Variants in MTHFD1L observed in about 807,000 individuals in gnomAD.
The protein encoded by MTHFD1L is methylenetetrahydrofolate dehydrogenase (NADP+ dependent) 1 like.
In MTHFD1L, 81 loss-of-function variants were observed where a neutral mutation model predicts 119.5. The observed-to-expected ratio is 0.68, with a 90% CI of 0.57 to 0.82. MTHFD1L has a LOEUF of 0.82. Among genes scored for constraint, MTHFD1L ranks in the 40% least tolerant of loss-of-function variants. The pLI is 0.00. For synonymous variants in MTHFD1L, 430 were observed against 475.2 expected (o/e 0.90, Z 1.24); for missense variants, 1,125 against 1,253.4 (o/e 0.90, Z 1.55).
intron 13 of MTHFD1L, among the ~76,000 whole-genome samples, chr6:150,941,083 A>C (rs1793020291): frequency 6.6e-6 from 1 of 152,216 alleles, no homozygotes; most frequent in African/African-American, 2.4e-5. Flanking sequence ...ATAGGGGAAA[A>C]TGTTAGAATA....
intron 13 of MTHFD1L, among the ~76,000 whole-genome samples, chr6:150,943,913 A>G (rs569356735): frequency 6.6e-6 from 1 of 152,294 alleles, no homozygotes; most frequent in South Asian, 2.1e-4. Context: ...CCTCACTCCA[A>G]AGTATATTTG....
Position 150,882,904 on chromosome 6 carries a change from A to G in MTHFD1L, c.542+18A>G. 1 of 1,559,852 alleles carries G rather than the reference A, an allele frequency of 6.4e-7. No individual in the cohort carries two copies. The highest frequency in any genetic ancestry group is 1.2e-5 in the South Asian group (1 of 80,268). On this transcript the variant is annotated intron_variant, in intron 5 of 27. Coordinates refer to ENST00000367321, the MANE Select transcript of MTHFD1L (RefSeq NM_015440.5). ...GTGGATGGGTAAGAAAATAAAATCA[A>G]ATAATCAACCTTTATGGCTAAATCA...
intron 8 of MTHFD1L, among the ~76,000 whole-genome samples, chr6:150,916,143 G>A (rs983281485): frequency 1.3e-5 from 2 of 152,128 alleles, no homozygotes; most frequent in African/African-American, 4.8e-5. Flanking sequence ...TTTAAGAATA[G>A]AGTGATCCAA....
chr6:151,067,708 A>C (rs1258228136), intron 26 of MTHFD1L, among the ~76,000 whole-genome samples: 1 of 152,242 alleles, frequency 6.6e-6, no homozygotes, highest in Non-Finnish European at 1.5e-5. Flanking sequence ...ATAAATGTAG[A>C]TGGGTAACCA....
chr6:150,937,585 C>A (rs764628315), intron 12 of MTHFD1L, among the ~76,000 whole-genome samples: 3 of 152,146 alleles, frequency 2.0e-5, no homozygotes, highest in Non-Finnish European at 4.4e-5. Flanking sequence ...ATATTAATAA[C>A]GTATCTCATA....
intron 26 of MTHFD1L, among the ~76,000 whole-genome samples, chr6:151,084,984 A>ATAT (rs1447677218): frequency 9.7e-6 from 1 of 102,902 alleles, no homozygotes; most frequent in African/African-American, 4.5e-5. Context: ...AAAAAAAAAA[A>ATAT]ATATATATAT....
At chr6:150,890,206 A>G (rs9371202) in intron 7 of MTHFD1L, among the ~76,000 whole-genome samples, 19,887 of 152,118 alleles carry the variant, frequency 0.13, 1,588 homozygotes, top group East Asian at 0.23. Context: ...GTATATATAT[A>G]TATAATAGAC....
At chr6:150,919,734 G>A (rs1026311361) in intron 9 of MTHFD1L, among the ~76,000 whole-genome samples, 26 of 152,150 alleles carry the variant, frequency 1.7e-4, no homozygotes, top group Non-Finnish European at 3.1e-4. Flanking sequence ...GGACGCTACC[G>A]AGGGAGATGA....
chr6:150,988,567 G>A (rs1285129282), intron 20 of MTHFD1L, among the ~76,000 whole-genome samples: 1 of 150,914 alleles, frequency 6.6e-6, no homozygotes, highest in Admixed American at 6.6e-5. Flanking sequence ...CATCTTTTGT[G>A]GGGTGTAGAA....
chr6:151,026,030 TGTC>T (rs1784570278), intron 24 of MTHFD1L, among the ~76,000 whole-genome samples: 2 of 152,240 alleles, frequency 1.3e-5, no homozygotes, highest in African/African-American at 4.8e-5. Context: ...GTCCATTTTT[TGTC>T]ATCAAAAAAT....
chr6:150,955,539 G>A (rs113738829), intron 16 of MTHFD1L, among the ~76,000 whole-genome samples: 19,880 of 138,530 alleles, frequency 0.14, 1,779 homozygotes, highest in Middle Eastern at 0.3. Flanking sequence ...TCACTCTGTC[G>A]CCCAGGCTGG....
At chr6:150,946,251 G>A (rs1793923372) in intron 15 of MTHFD1L, among the ~76,000 whole-genome samples, 1 of 152,182 alleles carries the variant, frequency 6.6e-6, no homozygotes, top group African/African-American at 2.4e-5. Flanking sequence ...CCTGGTTCAA[G>A]TGATTCTCCT....
intron 9 of MTHFD1L, among the ~76,000 whole-genome samples, chr6:150,919,669 G>A (rs1261958819): frequency 6.6e-6 from 1 of 152,108 alleles, no homozygotes; most frequent in African/African-American, 2.4e-5. Context: ...AGTGAGGGAT[G>A]GTGCTATATA....
intron 24 of MTHFD1L, among the ~76,000 whole-genome samples, chr6:151,032,695 C>G (rs1584235677): frequency 6.6e-6 from 1 of 152,320 alleles, no homozygotes; most frequent in Non-Finnish European, 1.5e-5. Context: ...AGTGTTAAGT[C>G]TCCTCATCCA....
chr6:151,042,031 G>A (rs1490644396), intron 26 of MTHFD1L: 6 of 357,592 alleles, frequency 1.7e-5, no homozygotes, highest in Non-Finnish European at 3.4e-5. Context: ...AATTGGCATT[G>A]GTGACCACAA....
intron 26 of MTHFD1L, among the ~76,000 whole-genome samples, chr6:151,086,013 C>T (rs1453498194): frequency 6.6e-6 from 1 of 152,118 alleles, no homozygotes; most frequent in African/African-American, 2.4e-5. Flanking sequence ...TGAACTTCAC[C>T]GTTTCGGTCC....
intron 27 of MTHFD1L, among the ~76,000 whole-genome samples, chr6:151,095,439 T>C (rs912992770): frequency 8.5e-5 from 13 of 152,394 alleles, no homozygotes; most frequent in African/African-American, 2.9e-4. Flanking sequence ...TCTTGGACAG[T>C]ATTTTTCCAG....
At chr6:150,905,541 G>A (rs1785764012) in intron 7 of MTHFD1L, 109 bp from the exon 8 acceptor site, 2 of 776,916 alleles carry the variant, frequency 2.6e-6, no homozygotes, top group African/African-American at 1.7e-5. Context: ...CAGCAGCTTG[G>A]AACAAAGCTG....
At chr6:151,048,234 A>G (rs1226984681) in intron 26 of MTHFD1L, among the ~76,000 whole-genome samples, 1 of 151,538 alleles carries the variant, frequency 6.6e-6, no homozygotes. Flanking sequence ...ACCAGAATAT[A>G]CTCACCCACC....
Sources: gnomAD v4.1 joint callset for allele counts (sites outside exome capture counted in the v4.1 genomes callset) on GRCh38, gnomAD v4.1.1 for gene constraint, MANE v1.5 for transcripts, NCBI Gene and HGNC (gene_info 2026-07-23, HGNC 2026-07-21) for gene names.